Variants in APBB2 observed in about 807,000 individuals in gnomAD.
The protein encoded by APBB2 is Fe65-like 1.
A neutral mutation model predicts 82.5 loss-of-function variants in APBB2; 38 were observed. The observed-to-expected ratio is 0.46, with a 90% CI of 0.36 to 0.60. The LOEUF (loss-of-function observed/expected upper bound fraction) is 0.60. Among genes scored for constraint, APBB2 ranks in the 20% least tolerant of loss-of-function variants. The pLI, the probability that APBB2 is intolerant of heterozygous loss-of-function variation, is 0.00. For synonymous variants in APBB2, 341 were observed against 368.2 expected, an observed-to-expected ratio of 0.93 and a Z score of 0.85; for missense variants, 772 against 972.3, an observed-to-expected ratio of 0.79 and a Z score of 2.74.
chr4:40,944,075 A>G (rs1787728184), intron 7 of APBB2, among the ~76,000 whole-genome samples: 1 of 152,266 alleles, frequency 6.6e-6, no homozygotes, highest in Non-Finnish European at 1.5e-5. Flanking sequence ...AGGCAAAAGA[A>G]GATGGGCTTG....
chr4:41,079,544 C>G (rs1390822255), intron 3 of APBB2, among the ~76,000 whole-genome samples: 1 of 145,438 alleles, frequency 6.9e-6, no homozygotes, highest in Admixed American at 6.8e-5. Context: ...TTGGTAGGCT[C>G]ATCAATTTTT....
intron 6 of APBB2, among the ~76,000 whole-genome samples, chr4:40,999,636 T>C (rs1205605924): frequency 6.6e-6 from 1 of 152,164 alleles, no homozygotes; most frequent in African/African-American, 2.4e-5. Flanking sequence ...TTTCTACAAC[T>C]GAAAATTAGA....
intron 10 of APBB2, among the ~76,000 whole-genome samples, chr4:40,904,428 C>CAAATAAATAAATAAATAAAT (rs71198612): frequency 1.4e-5 from 2 of 144,212 alleles, no homozygotes; most frequent in Non-Finnish European, 3.0e-5. Context: ...GAGACTCCAT[C>CAAATAAATAAATAAATAAAT]AAATAAATAA....
chr4:40,847,780 C>T (rs1211359909), intron 12 of APBB2, among the ~76,000 whole-genome samples: 2 of 150,890 alleles, frequency 1.3e-5, no homozygotes, highest in African/African-American at 2.4e-5. Context: ...ATATGGCCTT[C>T]ATTTGAATTG....
intron 2 of APBB2, among the ~76,000 whole-genome samples, chr4:41,136,318 C>G (rs562765973): frequency 6.6e-6 from 1 of 152,174 alleles, no homozygotes; most frequent in East Asian, 1.9e-4. Flanking sequence ...AAAGGGGCAA[C>G]AGAGAGAAAG....
chr4:40,845,588 CAAAAAAAAAAAAA>C (rs71198606), intron 12 of APBB2, among the ~76,000 whole-genome samples: 2 of 56,482 alleles, frequency 3.5e-5, no homozygotes, highest in African/African-American at 1.5e-4. Context: ...GGAAATTCCT[CAAAAAAAAAAAAA>C]AAAAAAAAAA....
chr4:40,905,730 CATTCGGCATCTACTTTATTGCTGGGG>C (rs1489048470), intron 10 of APBB2, among the ~76,000 whole-genome samples: 5 of 152,196 alleles, frequency 3.3e-5, no homozygotes, highest in Non-Finnish European at 7.3e-5. Flanking sequence ...GCTGAGATGA[CATTCGGCATCTACTTTATTGCTGGGG>C]ATTCAGCATC....
intron 12 of APBB2, among the ~76,000 whole-genome samples, chr4:40,863,528 C>T (rs138459658): frequency 3.3e-3 from 495 of 152,228 alleles, no homozygotes; most frequent in Admixed American, 5.3e-3. Context: ...AGAATCCATA[C>T]GTGAATCATC....
chr4:40,830,395 C>T, intron 13 of APBB2, 68 bp downstream of exon 13: 1 of 1,112,466 alleles, frequency 9.0e-7, no homozygotes, highest in Non-Finnish European at 1.4e-6. Context: ...CTCCCCCGCC[C>T]TTCCACATCC....
chr4:41,211,772 G>A (rs1259360751), intron 1 of APBB2, among the ~76,000 whole-genome samples: 4 of 152,128 alleles, frequency 2.6e-5, no homozygotes, highest in African/African-American at 4.8e-5. Context: ...GTTAGCCACC[G>A]TACCCGGCCA....
At chr4:41,048,652 CCTCCCT>C (rs945938859) in intron 4 of APBB2, among the ~76,000 whole-genome samples, 20 of 149,108 alleles carry the variant, frequency 1.3e-4, no homozygotes, top group Admixed American at 5.4e-4. Context: ...TCCCCCTCCC[CCTCCCT>C]CTCCCTCCCG....
At chr4:41,019,161 G>T (rs1214446763) in intron 5 of APBB2, among the ~76,000 whole-genome samples, 3 of 152,190 alleles carry the variant, frequency 2.0e-5, no homozygotes, top group African/African-American at 7.2e-5. Flanking sequence ...GACAGTAGCT[G>T]GAGGATGACC....
intron 1 of APBB2, among the ~76,000 whole-genome samples, chr4:41,199,106 A>G (rs1380138664): frequency 1.3e-5 from 2 of 152,224 alleles, no homozygotes; most frequent in African/African-American, 2.4e-5. Context: ...CCTTTTCAAA[A>G]TAAGGTTACA....
At chr4:40,868,575 G>A (rs1281740300) in intron 12 of APBB2, among the ~76,000 whole-genome samples, 1 of 152,148 alleles carries the variant, frequency 6.6e-6, no homozygotes, top group African/African-American at 2.4e-5. Context: ...TACTTTGATG[G>A]TTTCTGATTG....
chr4:41,093,943 C>T (rs1305485642), intron 3 of APBB2, among the ~76,000 whole-genome samples: 3 of 151,986 alleles, frequency 2.0e-5, no homozygotes, highest in Admixed American at 2.0e-4. Flanking sequence ...CAGTCACTTG[C>T]CCTTAACTGT....
chr4:40,880,364 C>G (rs1206753732), intron 12 of APBB2: 50 of 985,298 alleles, frequency 5.1e-5, no homozygotes, highest in South Asian at 2.8e-4. Flanking sequence ...CCAAAAATCT[C>G]AGGATGATGA....
intron 5 of APBB2, among the ~76,000 whole-genome samples, chr4:41,023,760 A>G (rs1560549981): frequency 6.6e-6 from 1 of 152,218 alleles, no homozygotes; most frequent in Admixed American, 6.5e-5. Flanking sequence ...ACACTGCCCA[A>G]AGCAATTTAC....
intron 4 of APBB2, among the ~76,000 whole-genome samples, chr4:41,061,948 T>C (rs1371169175): frequency 2.0e-5 from 3 of 152,362 alleles, no homozygotes; most frequent in Middle Eastern, 6.8e-3. Flanking sequence ...TTATTAACTA[T>C]GGCATGTTGC....
chr4:41,057,915 A>T (rs1295199203), intron 4 of APBB2, among the ~76,000 whole-genome samples: 3 of 152,086 alleles, frequency 2.0e-5, no homozygotes, highest in Non-Finnish European at 4.4e-5. Flanking sequence ...AGGACAACAC[A>T]TTCTTCTCAT....
Sources: allele counts gnomAD v4.1 joint callset (sites outside exome capture counted in the v4.1 genomes callset), GRCh38; gene constraint gnomAD v4.1.1; transcripts MANE v1.5; gene names NCBI Gene and HGNC (gene_info 2026-07-23, HGNC 2026-07-21).